Variants in VTI1B observed in about 807,000 individuals in gnomAD.
VTI1B encodes the protein vesicle transport through interaction with t-SNAREs homolog 1B.
In VTI1B, 18 loss-of-function variants were observed where a neutral mutation model predicts 28.6. The observed-to-expected ratio is 0.63, with a 90% CI of 0.43 to 0.93. The LOEUF is 0.93. Ranked by LOEUF, VTI1B falls within the 40% of genes least tolerant of loss-of-function variation. The probability of loss-of-function intolerance (pLI) is 0.00; values close to 1 mark genes in which losing one functional copy is unlikely to be tolerated. For missense variants in VTI1B, 283 were observed against 297.0 expected (o/e 0.95, Z 0.35); for synonymous variants, 100 against 107.9 (o/e 0.93, Z 0.46).
Position 67,647,753 on chromosome 14 carries a change from T to G in VTI1B, c.*3632A>C. The G allele has an allele frequency of 3.6e-6, 1 of 274,312 alleles. No homozygotes were observed. Among genetic ancestry groups the G allele is most frequent in the Non-Finnish European group, 6.8e-6 (1 of 146,338 alleles). The allele number at this position is 274,312 out of a possible 1,614,324, so 17.0% of individuals were successfully genotyped here. On this transcript the variant is annotated 3_prime_UTR_variant, in exon 6 of 6. Transcript: ENST00000554659. The stretch of plus-strand genomic sequence containing the variant: ...GAAGAAATCTCTCTATTGACAGTTA[T>G]TAGTATAAGAGGTTCTAATACCCAG...
In VTI1B at chr14:67,659,639, C is replaced by G. The variant is rs1316254718; in HGVS notation, c.366+92G>C. 2.3e-6 allele frequency: 3 copies of G among 1,313,586 alleles called. No individual in the cohort carries two copies. In the African/African-American group the frequency reaches 4.4e-5, roughly 19 times the overall value. 81.4% of individuals were successfully genotyped at this position (1,313,586 alleles called of 1,614,324 possible). ...AAATGAAACAAGAGTCTAGTATACA[C>G]TGATAACATGAAATACCCCAACAAT... On this transcript the variant is annotated intron_variant, in intron 3 of 5. Transcript: ENST00000554659.
At position 67,659,846 on chromosome 14, in the gene VTI1B, T is replaced by C; in HGVS notation, c.251A>G (p.Tyr84Cys). ...ATGGAGTTTAGCAAGGTCCTTCCGG[T>C]AGTTTCGAAGCTTAGACATCATGGG... Reference protein sequence around the residue: ...RNPMMSKLRNYRKDLAKLHRE... With the variant: ...RNPMMSKLRNCRKDLAKLHRE... Residue 84 changes from tyrosine (Y) to cysteine (C), a missense_variant, in exon 3 of 6, where the codon TAC becomes TGC. Tyr to Cys is a radical substitution (Grantham distance 194). Transcript: ENST00000554659. 1.9e-6 allele frequency: 3 copies of C among 1,614,194 alleles called. No homozygotes were observed. The highest frequency in any genetic ancestry group is 2.5e-6 in the Non-Finnish European group (3 of 1,180,034).
intron 5 of VTI1B, among the ~76,000 whole-genome samples, chr14:67,653,166 G>C (rs2037209657): frequency 6.6e-6 from 1 of 152,198 alleles, no homozygotes; most frequent in Admixed American, 6.5e-5. Flanking sequence ...CATCAGCTGT[G>C]ATTAAATGTC....
Position 67,658,138 on chromosome 14 carries a change from C to T in VTI1B, c.367-1549G>A, listed in dbSNP as rs146348048. ...GTTCAAATAAAACCAGTTAGGTTAG[C>T]GCAAAGGAAGAAGGAAAAAGGTTTT... is the stretch of plus-strand genomic sequence containing the variant. On this transcript the variant is annotated intron_variant, in intron 3 of 5. Coordinates refer to ENST00000554659, the MANE Select transcript of VTI1B (RefSeq NM_006370.3). Among the ~76,000 whole-genome samples the T allele has an allele frequency of 9.2e-5, 14 of 152,040 alleles. No homozygotes were observed. In the South Asian group the frequency reaches 1.7e-3, roughly 18 times the overall value.
intron 5 of VTI1B, among the ~76,000 whole-genome samples, chr14:67,652,932 A>G (rs1268666245): frequency 1.3e-5 from 2 of 151,898 alleles, no homozygotes; most frequent in Non-Finnish European, 2.9e-5. Flanking sequence ...CTGGGATTAC[A>G]GTGCCCGCCA....
In VTI1B at chr14:67,653,460, C is replaced by A; in HGVS notation, c.579G>T (p.Lys193Asn). Residue 193 changes from lysine to asparagine, a missense_variant, in exon 5 of 6, where the codon AAG (lysine) becomes AAT (asparagine). By Grantham distance (94) the Lys-to-Asn change is moderately conservative. Coordinates refer to ENST00000554659, the MANE Select transcript of VTI1B (RefSeq NM_006370.3). ...NTSENLSKSR[K>N]ILRSMSRKVT... ...ACTTTCTGGACATTGAACGGAGAAT[C>A]TTCCGACTTTTGCTCAAGTTTTCAC... 3 of 1,614,006 alleles carry A rather than the reference C, an allele frequency of 1.9e-6. No homozygotes were observed. The highest frequency in any genetic ancestry group is 8.5e-7 in the Non-Finnish European group (1 of 1,179,954).
Position 67,651,391 on chromosome 14 carries a change from G to T in VTI1B, c.693C>A (p.Ser231Arg). 1.2e-6 allele frequency: 2 copies of T among 1,613,788 alleles called. No individual in the cohort carries two copies. Among genetic ancestry groups the T allele is most frequent in the Non-Finnish European group, 1.7e-6 (2 of 1,179,766 alleles). The change falls in exon 6 of 6, where the codon AGC becomes AGA. Residue 231 changes from serine (S) to arginine (R), a missense_variant. Coordinates refer to ENST00000554659, the MANE Select transcript of VTI1B (RefSeq NM_006370.3). ...AACCCTTCCCTATAGAAGTTCAATG[G>T]CTGCGAAAGAATTTGTAGTAAACCA... ...GGLVYYKFFR[S>R]H
intron 1 of VTI1B, among the ~76,000 whole-genome samples, chr14:67,674,161 C>T (rs1366576774): frequency 6.6e-6 from 1 of 152,208 alleles, no homozygotes; most frequent in Middle Eastern, 3.2e-3. Context: ...ATGTGGAAGG[C>T]CATAGAAGGA....
chr14:67,672,123 A>ATTTTTT (rs5809360), intron 1 of VTI1B, among the ~76,000 whole-genome samples: 17 of 143,524 alleles, frequency 1.2e-4, no homozygotes, highest in Admixed American at 2.1e-4. Flanking sequence ...TGCAGTCTAC[A>ATTTTTT]TTTTTTTTTT....
At chr14:67,664,288 C>A (rs1211410026) in intron 1 of VTI1B, among the ~76,000 whole-genome samples, 1 of 152,124 alleles carries the variant, frequency 6.6e-6, no homozygotes, top group Non-Finnish European at 1.5e-5. Context: ...CCATCAAATA[C>A]CTCCCCATTC....
chr14:67,674,351 C>G lies in VTI1B; in HGVS notation c.115+24G>C, dbSNP rs757739615. On this transcript the variant is annotated intron_variant, in intron 1 of 5. Coordinates refer to ENST00000554659, the MANE Select transcript of VTI1B (RefSeq NM_006370.3). ...AAAGCGCGCAGGGCTGCGCTCCCCACGGCGTGGCCCACCCCCGCCTCACCG... is the reference window on the plus strand; with the variant it reads ...AAAGCGCGCAGGGCTGCGCTCCCCAGGGCGTGGCCCACCCCCGCCTCACCG... The G allele has an allele frequency of 8.3e-6, 13 of 1,564,250 alleles. No homozygotes were observed. In the South Asian group the frequency reaches 1.5e-4, roughly 18 times the overall value.
chr14:67,662,517 A>G lies in VTI1B; in HGVS notation c.134T>C (p.Ile45Thr), dbSNP rs1380228051. The stretch of plus-strand genomic sequence containing the variant: ...CTGTTGCTTTTCATCAAAATCCCTG[A>G]TCAATTTCTTCTTTTCTTCTAGAAA... Reference protein sequence around the residue: ...TAGTEEKKKLIRDFDEKQQEA... With the variant: ...TAGTEEKKKLTRDFDEKQQEA... The change falls in exon 2 of 6, where the codon ATC becomes ACC. Residue 45 changes from isoleucine to threonine, a missense_variant. Ile to Thr is a moderately conservative substitution (Grantham distance 89). Transcript: ENST00000554659. The G allele has an allele frequency of 6.2e-7, 1 of 1,611,544 alleles. No homozygotes were observed. Among genetic ancestry groups the G allele is most frequent in the Non-Finnish European group, 8.5e-7 (1 of 1,179,334 alleles).
rs377289793 is a variant in VTI1B at position 67,658,261 on chromosome 14, C to A, written c.366+1470G>T. Among the ~76,000 whole-genome samples the A allele has an allele frequency of 3.0e-4, 46 of 152,272 alleles. 1 individual carries two copies. Among genetic ancestry groups the A allele is most frequent in the African/African-American group, 1.1e-3 (45 of 41,564 alleles). On this transcript the variant is annotated intron_variant, in intron 3 of 5. Transcript: ENST00000554659. Reference sequence around the variant, plus strand: ...AACTTCAGACAGATTTGGAACAATACTTTTTCTGAAGGTATGGATACCTAA... The same window carrying A: ...AACTTCAGACAGATTTGGAACAATAATTTTTCTGAAGGTATGGATACCTAA...
chr14:67,651,749 A>G (rs544941068), intron 5 of VTI1B: 1 of 289,284 alleles, frequency 3.5e-6, no homozygotes, highest in Admixed American at 4.8e-5. Context: ...TACTTCCTTT[A>G]AAAATAGCTT....
At chr14:67,671,808 C>G (rs951690893) in intron 1 of VTI1B, among the ~76,000 whole-genome samples, 1 of 152,144 alleles carries the variant, frequency 6.6e-6, no homozygotes, top group Non-Finnish European at 1.5e-5. Flanking sequence ...GGAAGGGCAA[C>G]AGATCAAGAG....
At chr14:67,670,071 G>A (rs966988477) in intron 1 of VTI1B, among the ~76,000 whole-genome samples, 1 of 152,182 alleles carries the variant, frequency 6.6e-6, no homozygotes, top group Admixed American at 6.5e-5. Context: ...CTCCAGCCTG[G>A]ATGACGGGAG....
At chr14:67,673,582 ATATAT>A (rs1359838593) in intron 1 of VTI1B, among the ~76,000 whole-genome samples, 1 of 152,228 alleles carries the variant, frequency 6.6e-6, no homozygotes, top group Non-Finnish European at 1.5e-5. Context: ...CACAATAAAT[ATATAT>A]TAAATACATG....
chr14:67,669,824 G>T (rs1420660200), intron 1 of VTI1B, among the ~76,000 whole-genome samples: 1 of 152,192 alleles, frequency 6.6e-6, no homozygotes, highest in Non-Finnish European at 1.5e-5. Flanking sequence ...CTTGGGCCGG[G>T]AACTGTAGCT....
chr14:67,664,519 CAG>C (rs572201544), intron 1 of VTI1B, among the ~76,000 whole-genome samples: 286 of 147,844 alleles, frequency 1.9e-3, no homozygotes, highest in African/African-American at 7.0e-3. Context: ...TTTCTTGAGA[CAG>C]AGTCTTGCTC....
Sources: gnomAD v4.1 joint callset for allele counts (sites outside exome capture counted in the v4.1 genomes callset) on GRCh38, gnomAD v4.1.1 for gene constraint, MANE v1.5 for transcripts, NCBI Gene and HGNC (gene_info 2026-07-23, HGNC 2026-07-21) for gene names.